WHRN: variants seen among roughly 807,000 people sequenced by gnomAD.
The protein encoded by WHRN is whirlin.
In WHRN, 41 loss-of-function variants were observed where a neutral mutation model predicts 68.3. That is an observed-to-expected ratio of 0.60 (90% CI 0.47 to 0.78). The LOEUF (loss-of-function observed/expected upper bound fraction) is 0.78, where lower values mean the gene tolerates loss of function less well. Among genes scored for constraint, WHRN ranks in the 30% least tolerant of loss-of-function variants. WHRN has a pLI of 0.00. For synonymous variants in WHRN, 560 were observed against 561.3 expected (o/e 1.00, Z 0.03); for missense variants, 1,243 against 1,244.7 (o/e 1.00, Z 0.02).
At position 114,424,854 on chromosome 9, in the gene WHRN, TG is replaced by T. The variant is rs1195132149; in HGVS notation, c.1203+133del. 31 of 1,015,734 alleles carry T rather than the reference TG, an allele frequency of 3.1e-5. No individual in the cohort carries two copies. In the East Asian group the frequency reaches 6.6e-4, roughly 22 times the overall value. The allele number at this position is 1,015,734 out of a possible 1,614,324, so 62.9% of individuals were successfully genotyped here. A position where few individuals can be genotyped will look rare whatever the true frequency, so the allele number is the denominator to read the frequency against. On this transcript the variant is annotated intron_variant, in intron 5 of 11. Transcript: ENST00000362057. ...AGCAGTCAGTCACAGATAAGTGGGC[TG>T]GGGGGTGGGCAGATAAGGGGCTGCC...
chr9:114,455,051 C>G (rs1839659862), intron 3 of WHRN, among the ~76,000 whole-genome samples: 1 of 152,088 alleles, frequency 6.6e-6, no homozygotes, highest in Non-Finnish European at 1.5e-5. Context: ...TATGAGAACT[C>G]AAAATAAATC....
At position 114,406,648 on chromosome 9, in the gene WHRN, G is replaced by C; in HGVS notation, c.1943C>G (p.Ser648Cys). 3.1e-6 allele frequency: 5 copies of C among 1,613,252 alleles called. No homozygotes were observed. Among genetic ancestry groups the C allele is most frequent in the Non-Finnish European group, 4.2e-6 (5 of 1,179,502 alleles). Residue 648 changes from serine to cysteine, a missense_variant, in exon 9 of 12, where the codon TCC becomes TGC. By Grantham distance (112) the Ser-to-Cys change is moderately radical (BLOSUM62 -1). Coordinates refer to ENST00000362057, the MANE Select transcript of WHRN (RefSeq NM_015404.4). ...AGGGGAGACGGAGGCATAGATGGGG[G>C]AAGAGGGCAAGTCCTGTGCAGAGGA... ...GTSSAQDLPS[S>C]PIYASVSPAN... is the part of the protein sequence containing the mutation.
At position 114,414,452 on chromosome 9, in the gene WHRN, G is replaced by A. The variant is rs183065171; in HGVS notation, c.1627-6434C>T. On this transcript the variant is annotated intron_variant, in intron 7 of 11. Coordinates refer to ENST00000362057, the MANE Select transcript of WHRN (RefSeq NM_015404.4). ...GTCCCAGCACTTCACCAGCCTGCCA[G>A]AGGGGTCTATGGCACAGAAATGAGG... Among the ~76,000 whole-genome samples the A allele has an allele frequency of 5.7e-3, 875 of 152,314 alleles. 6 individuals are homozygous for A. Among genetic ancestry groups the A allele is most frequent in the Non-Finnish European group, 8.6e-3 (588 of 68,022 alleles).
chr9:114,417,384 A>G (rs1436622449), intron 7 of WHRN, among the ~76,000 whole-genome samples: 1 of 152,224 alleles, frequency 6.6e-6, no homozygotes, highest in Non-Finnish European at 1.5e-5. Context: ...ACTAGAACAA[A>G]GAACATTTTC....
At chr9:114,504,072 A>G in intron 1 of WHRN, 112 bp downstream of exon 1, 2 of 1,332,946 alleles carry the variant, frequency 1.5e-6, no homozygotes, top group African/African-American at 1.6e-5. Context: ...AAAAAAAAAA[A>G]GCCCAGAAAG....
chr9:114,490,667 A>G (rs977797917), intron 1 of WHRN, among the ~76,000 whole-genome samples: 1 of 152,218 alleles, frequency 6.6e-6, no homozygotes, highest in Non-Finnish European at 1.5e-5. Context: ...AGGCTGGAAG[A>G]AAGACCTGAC....
rs757941103 is a variant in WHRN at position 114,449,014 on chromosome 9, A to G, written c.963+17253T>C. Among the ~76,000 whole-genome samples, 83 of 152,158 alleles carry G rather than the reference A, an allele frequency of 5.5e-4. 1 individual carries two copies. Among genetic ancestry groups the G allele is most frequent in the Non-Finnish European group, 1.8e-4 (12 of 68,028 alleles). On this transcript the variant is annotated intron_variant, in intron 3 of 11. Coordinates refer to ENST00000362057, the MANE Select transcript of WHRN (RefSeq NM_015404.4). ...CCCTTGGGAATCTGTATGCATGGTC[A>G]AGTGCCCAAAGCACTGCCCCATATA... is the stretch of plus-strand genomic sequence containing the variant.
chr9:114,402,993 GACC>G, intron 11 of WHRN, 57 bp from the exon 12 acceptor site: 1 of 1,572,566 alleles, frequency 6.4e-7, no homozygotes, highest in Admixed American at 1.9e-5. Context: ...GCCTGGCTTT[GACC>G]ACCAACTGGG....
At chr9:114,438,602 G>A (rs1014661895) in intron 3 of WHRN, among the ~76,000 whole-genome samples, 7 of 151,706 alleles carry the variant, frequency 4.6e-5, no homozygotes, top group Admixed American at 6.6e-5. Flanking sequence ...ACAGGTGCCC[G>A]CCACCACGCC....
chr9:114,459,027 C>G (rs1160730772), intron 3 of WHRN, among the ~76,000 whole-genome samples: 1 of 152,126 alleles, frequency 6.6e-6, no homozygotes, highest in Non-Finnish European at 1.5e-5. Context: ...GGTGGTGGAG[C>G]TGGGATGGGG....
At chr9:114,486,941 TTGTGTG>T (rs1347597157) in intron 1 of WHRN, among the ~76,000 whole-genome samples, 147 of 5,254 alleles carry the variant, frequency 0.028, 2 homozygotes, top group South Asian at 0.12. Flanking sequence ...TGTGTGTGTG[TTGTGTG>T]TGTGTGTGTG....
chr9:114,472,387 T>G (rs112851193), intron 2 of WHRN, among the ~76,000 whole-genome samples: 6 of 152,230 alleles, frequency 3.9e-5, no homozygotes, highest in African/African-American at 1.4e-4. Flanking sequence ...CTCACCTGCC[T>G]GAGGCCTCCA....
chr9:114,442,224 A>G (rs1050582150), intron 3 of WHRN, among the ~76,000 whole-genome samples: 15 of 152,208 alleles, frequency 9.9e-5, no homozygotes, highest in Non-Finnish European at 2.1e-4. Context: ...CTGGACTGGG[A>G]GCAGAAAGAA....
At chr9:114,415,273 T>TAA (rs5900085) in intron 7 of WHRN, among the ~76,000 whole-genome samples, 33 of 145,370 alleles carry the variant, frequency 2.3e-4, no homozygotes, top group African/African-American at 7.4e-4. Flanking sequence ...CCCTATCTCT[T>TAA]AAAAAAAAAA....
chr9:114,473,270 G>A (rs78381281), intron 2 of WHRN, among the ~76,000 whole-genome samples: 31 of 152,210 alleles, frequency 2.0e-4, no homozygotes, highest in Admixed American at 4.6e-4. Context: ...GTTCCTGCCC[G>A]CATCATTCCT....
At chr9:114,425,433 C>T (rs1041844795) in intron 4 of WHRN, 7 of 488,320 alleles carry the variant, frequency 1.4e-5, no homozygotes, top group African/African-American at 7.7e-5. Flanking sequence ...CAGCTCCAGC[C>T]GATGTGGGCT....
At chr9:114,475,878 G>A (rs1212682450) in intron 2 of WHRN, among the ~76,000 whole-genome samples, 7 of 152,136 alleles carry the variant, frequency 4.6e-5, no homozygotes, top group Non-Finnish European at 8.8e-5. Flanking sequence ...AATCTGGGAC[G>A]GCCTGTCTCT....
rs778064776 is a variant in WHRN, at chr9:114,423,397, C to T, written c.1543G>A (p.Asp515Asn). 2.7e-5 allele frequency: 43 copies of T among 1,613,916 alleles called. No individual in the cohort carries two copies. In the East Asian group the frequency reaches 8.5e-4, roughly 32 times the overall value. The stretch of plus-strand genomic sequence containing the variant: ...CTGTAGGAGACCATGGAGTAGGTGT[C>T]CCCAGCCCCGGGGCCTGGGGGCTGC... ...ARQPPGPGAG[D>N]TYSMVSYSDT... Residue 515 changes from aspartate (D) to asparagine (N), a missense_variant, in exon 7 of 12, where the codon GAC (aspartate) becomes AAC (asparagine). Transcript: ENST00000362057.
At chr9:114,473,227 G>A (rs926773895) in intron 2 of WHRN, among the ~76,000 whole-genome samples, 2 of 152,202 alleles carry the variant, frequency 1.3e-5, no homozygotes, top group African/African-American at 4.8e-5. Flanking sequence ...ACCGGGGAGG[G>A]GTGAAAGGGG....
Sources: allele counts gnomAD v4.1 joint callset (sites outside exome capture counted in the v4.1 genomes callset), GRCh38; gene constraint gnomAD v4.1.1; transcripts MANE v1.5; gene names NCBI Gene and HGNC (gene_info 2026-07-23, HGNC 2026-07-21).